FAM107B: variants seen among roughly 807,000 people sequenced by gnomAD.
The protein encoded by FAM107B is protein FAM107B.
Under a neutral mutation model 31.5 loss-of-function variants are expected in FAM107B, and 21 were observed. The observed-to-expected ratio is 0.67, with a 90% CI of 0.47 to 0.96. The LOEUF (loss-of-function observed/expected upper bound fraction) is 0.96. FAM107B is among the 40% of genes least tolerant of loss of function. The pLI is 0.00. For synonymous variants in FAM107B, 157 were observed against 141.5 expected (o/e 1.11, Z -0.78); for missense variants, 452 against 377.1 (o/e 1.20, Z -1.64).
chr10:14,537,833 CAAAAAAAAAAA>C (rs34298402), intron 2 of FAM107B, among the ~76,000 whole-genome samples: 1 of 85,636 alleles, frequency 1.2e-5, no homozygotes, highest in African/African-American at 4.8e-5. Flanking sequence ...GACTCTGTCT[CAAAAAAAAAAA>C]AAAAAAAAAT....
At chr10:14,762,560 G>T (rs1457313441) in intron 1 of FAM107B, among the ~76,000 whole-genome samples, 7 of 152,122 alleles carry the variant, frequency 4.6e-5, no homozygotes, top group Admixed American at 4.6e-4. Context: ...TTCGAGACCA[G>T]CCTGGCCAAC....
chr10:14,680,932 C>G (rs1042481998), intron 1 of FAM107B, among the ~76,000 whole-genome samples: 1 of 152,070 alleles, frequency 6.6e-6, no homozygotes, highest in African/African-American at 2.4e-5. Context: ...ACCTTAGCAC[C>G]CCACTCCAGC....
rs567188087 is a variant in FAM107B, at chr10:14,728,352, C to G, written c.411+45901G>C. ...AGGGGTGTGTGTGTGTGTGTGTGTG[C>G]TTTTTTTTTTAATCTCCAGCGGTAG... On this transcript the variant is annotated intron_variant, in intron 1 of 4. Transcript: ENST00000181796. Among the ~76,000 whole-genome samples the G allele has an allele frequency of 1.9e-3, 261 of 137,998 alleles. 1 individual carries two copies. The highest frequency in any genetic ancestry group is 6.8e-3 in the African/African-American group (248 of 36,274). 90.5% of individuals were successfully genotyped at this position (137,998 alleles called of 152,430 possible).
At chr10:14,549,619 C>T (rs185888028) in intron 2 of FAM107B, among the ~76,000 whole-genome samples, 3 of 152,278 alleles carry the variant, frequency 2.0e-5, no homozygotes, top group African/African-American at 7.2e-5. Context: ...CTTGTGGTTC[C>T]AGGACGCCAA....
intron 1 of FAM107B, among the ~76,000 whole-genome samples, chr10:14,678,462 ATGGC>A (rs1198476094): frequency 6.6e-6 from 1 of 152,226 alleles, no homozygotes; most frequent in Non-Finnish European, 1.5e-5. Flanking sequence ...TTCCATGTTC[ATGGC>A]ATTCTGCTAG....
intron 2 of FAM107B, among the ~76,000 whole-genome samples, chr10:14,580,527 T>C (rs113926052): frequency 0.022 from 3,355 of 151,690 alleles, 63 homozygotes; most frequent in East Asian, 0.09. Context: ...GAAAAAAAAA[T>C]AAGTATCCAT....
intron 2 of FAM107B, among the ~76,000 whole-genome samples, chr10:14,564,684 C>A (rs1002615938): frequency 6.6e-6 from 1 of 152,114 alleles, no homozygotes; most frequent in Non-Finnish European, 1.5e-5. Context: ...GCAAATGGCA[C>A]CAGTTTCCTT....
intron 1 of FAM107B, among the ~76,000 whole-genome samples, chr10:14,757,438 A>ATCTC (rs138631307): frequency 3.3e-5 from 5 of 150,738 alleles, no homozygotes; most frequent in Non-Finnish European, 7.4e-5. Flanking sequence ...CTTAAAATGT[A>ATCTC]TCTCTCTCTC....
intron 3 of FAM107B, 195 bp downstream of exon 3, chr10:14,530,137 C>G: frequency 1.7e-6 from 1 of 593,574 alleles, no homozygotes; most frequent in East Asian, 3.0e-5. Context: ...CTGGCCACCA[C>G]AGTGATGGCC....
intron 1 of FAM107B, among the ~76,000 whole-genome samples, chr10:14,728,124 T>A (rs1856078721): frequency 6.6e-6 from 1 of 152,204 alleles, no homozygotes. Context: ...AACACAATGC[T>A]TGTGAGCTTG....
At chr10:14,523,584 G>A (rs996269145) in intron 3 of FAM107B, among the ~76,000 whole-genome samples, 2 of 152,156 alleles carry the variant, frequency 1.3e-5, no homozygotes, top group East Asian at 1.9e-4. Context: ...TTCTCTAAAC[G>A]ACTCCTATCA....
intron 2 of FAM107B, among the ~76,000 whole-genome samples, chr10:14,553,780 T>C (rs1302072040): frequency 1.3e-5 from 2 of 152,190 alleles, no homozygotes; most frequent in Admixed American, 6.5e-5. Flanking sequence ...ACTTAACTAA[T>C]ATTAGCTTTG....
intron 1 of FAM107B, among the ~76,000 whole-genome samples, chr10:14,681,257 G>A (rs554666765): frequency 6.6e-6 from 1 of 152,304 alleles, no homozygotes; most frequent in African/African-American, 2.4e-5. Context: ...TTCTGTGTTA[G>A]TTCTCCAGGT....
chr10:14,685,215 C>G lies in FAM107B; in HGVS notation c.412-17524G>C, dbSNP rs541061724. ...CTGGGCTGGAGTGCAGAGGTGTGAT[C>G]AGAGCTCACCGCAACCTCCAACTCC... On this transcript the variant is annotated intron_variant, in intron 1 of 4. Transcript: ENST00000181796. Among the ~76,000 whole-genome samples, 3 of 148,026 alleles carry G rather than the reference C, an allele frequency of 2.0e-5. No individual in the cohort carries two copies. The Admixed American group carries it at 2.1e-4, about 10-fold the overall frequency.
At chr10:14,649,835 T>A (rs1273993139) in intron 2 of FAM107B, among the ~76,000 whole-genome samples, 1 of 152,204 alleles carries the variant, frequency 6.6e-6, no homozygotes, top group East Asian at 1.9e-4. Flanking sequence ...CTCTTCAAAT[T>A]TTTTATAGAG....
intron 2 of FAM107B, among the ~76,000 whole-genome samples, chr10:14,659,435 CG>C (rs1854165526): frequency 6.8e-6 from 1 of 148,002 alleles, no homozygotes; most frequent in Admixed American, 6.8e-5. Flanking sequence ...AGCAAAACTC[CG>C]TCTCAAAACA....
chr10:14,637,619 G>A (rs909573085), intron 2 of FAM107B, among the ~76,000 whole-genome samples: 1 of 152,118 alleles, frequency 6.6e-6, no homozygotes, highest in African/African-American at 2.4e-5. Context: ...ACCCTAGCCC[G>A]GGCAACAGCA....
intron 1 of FAM107B, among the ~76,000 whole-genome samples, chr10:14,699,834 C>T (rs2131521838): frequency 6.6e-6 from 1 of 152,348 alleles, no homozygotes; most frequent in African/African-American, 2.4e-5. Flanking sequence ...GATTGTCCAT[C>T]CTGAAGGTTA....
intron 2 of FAM107B, among the ~76,000 whole-genome samples, chr10:14,550,346 T>C (rs1849141464): frequency 6.6e-6 from 1 of 152,148 alleles, no homozygotes; most frequent in African/African-American, 2.4e-5. Flanking sequence ...TACCACTGAG[T>C]CTGCAGCTCT....
Sources: allele counts gnomAD v4.1 joint callset (sites outside exome capture counted in the v4.1 genomes callset), GRCh38; gene constraint gnomAD v4.1.1; transcripts MANE v1.5; gene names NCBI Gene and HGNC (gene_info 2026-07-23, HGNC 2026-07-21).